The following ACSL3 variants were observed in gnomAD, a reference collection of about 807,000 sequenced individuals.
ACSL3 encodes acyl-CoA synthetase long chain family member 3.
ACSL3 carries 34 observed loss-of-function variants against 84.7 expected under a neutral mutation model. The observed-to-expected ratio is 0.40, with a 90% CI of 0.31 to 0.53. ACSL3 has a LOEUF of 0.53. Ranked by LOEUF, ACSL3 falls within the 20% of genes least tolerant of loss-of-function variation. The pLI is 0.48. For missense variants in ACSL3, 680 were observed against 873.1 expected (o/e 0.78, Z 2.79); for synonymous variants, 315 against 299.4 (o/e 1.05, Z -0.54).
intron 1 of ACSL3, among the ~76,000 whole-genome samples, chr2:222,864,524 G>C (rs1169046922): frequency 6.6e-6 from 1 of 151,906 alleles, no homozygotes; most frequent in Non-Finnish European, 1.5e-5. Flanking sequence ...CAGTACTGTG[G>C]AATGCTCCTA....
intron 3 of ACSL3, among the ~76,000 whole-genome samples, chr2:222,901,596 TA>T (rs1428131046): frequency 6.6e-6 from 1 of 152,222 alleles, no homozygotes; most frequent in African/African-American, 2.4e-5. Context: ...AGCCAGCTTT[TA>T]TACAGCTGAG....
At chr2:222,931,412 TAA>T (rs375709943) in intron 14 of ACSL3, among the ~76,000 whole-genome samples, 10 of 140,544 alleles carry the variant, frequency 7.1e-5, no homozygotes, top group Non-Finnish European at 9.3e-5. Flanking sequence ...AGACTCTGTC[TAA>T]AAAAAAAAAA....
intron 3 of ACSL3, among the ~76,000 whole-genome samples, chr2:222,903,652 ATC>A (rs1696214597): frequency 6.6e-6 from 1 of 152,236 alleles, no homozygotes; most frequent in African/African-American, 2.4e-5. Context: ...TTTTTTCTGT[ATC>A]CCAATGGAAT....
chr2:222,930,160 C>A (rs1696987515), intron 13 of ACSL3, among the ~76,000 whole-genome samples: 1 of 151,986 alleles, frequency 6.6e-6, no homozygotes, highest in African/African-American at 2.4e-5. Flanking sequence ...AAACTCCTGA[C>A]CTCAGGCGAT....
intron 1 of ACSL3, among the ~76,000 whole-genome samples, chr2:222,866,440 T>C (rs4477904): frequency 0.59 from 89,750 of 152,072 alleles, 27,102 homozygotes; most frequent in Admixed American, 0.64. Context: ...GCTACTGCGC[T>C]GACTGCAAAA....
At chr2:222,936,378 C>T (rs745920744) in intron 16 of ACSL3, among the ~76,000 whole-genome samples, 10 of 152,246 alleles carry the variant, frequency 6.6e-5, no homozygotes, top group Non-Finnish European at 1.2e-4. Context: ...TTCCCACCAA[C>T]GGTATTAAGG....
At chr2:222,904,279 A>C (rs1306179081) in intron 3 of ACSL3, among the ~76,000 whole-genome samples, 1 of 45,128 alleles carries the variant, frequency 2.2e-5, no homozygotes, top group Admixed American at 2.4e-4. Context: ...CTCAAAAAAC[A>C]AAACAAAACA....
intron 1 of ACSL3, among the ~76,000 whole-genome samples, chr2:222,880,444 A>T (rs188374266): frequency 1.8e-4 from 28 of 152,266 alleles, no homozygotes; most frequent in Non-Finnish European, 3.5e-4. Flanking sequence ...TATGAATGTT[A>T]TATTACATGA....
intron 13 of ACSL3, among the ~76,000 whole-genome samples, chr2:222,929,925 T>G (rs1030769489): frequency 8.5e-4 from 3 of 3,536 alleles, no homozygotes; most frequent in Admixed American, 4.0e-3. Context: ...GTAACTCACT[T>G]TTTTTTTTTT....
Position 222,940,258 on chromosome 2 carries a change from ATT to A in ACSL3, c.2006-1237_2006-1236del, listed in dbSNP as rs1366220737. Among the ~76,000 whole-genome samples, 3 of 152,326 alleles carry A rather than the reference ATT, an allele frequency of 2.0e-5. No homozygotes were observed. In the East Asian group the frequency reaches 5.8e-4, roughly 29 times the overall value. ...GGGAATATCCTGGTTCAATGACATA[ATT>A]TGTCTTAAACTTTATTATTTTTTAA... On this transcript the variant is annotated intron_variant, in intron 16 of 16. Transcript: ENST00000357430.
Position 222,935,785 on chromosome 2 carries a change from CAT to C in ACSL3, c.2005+1100_2005+1101del, listed in dbSNP as rs1243020375. 1.1e-4 allele frequency among the ~76,000 whole-genome samples: 16 copies of C among 152,280 alleles called. No individual in the cohort carries two copies. The South Asian group carries it at 1.5e-3, about 14-fold the overall frequency. ...CTTTCTTTTATTGTAGTAAAAATCT[CAT>C]AACGTTCAATTTACTATCTTAACAT... On this transcript the variant is annotated intron_variant, in intron 16 of 16. Transcript: ENST00000357430.
chr2:222,931,370 C>T (rs117103539), intron 14 of ACSL3, among the ~76,000 whole-genome samples: 23 of 150,148 alleles, frequency 1.5e-4, no homozygotes, highest in African/African-American at 3.9e-4. Context: ...GCGGAGATCG[C>T]GACACTGCAC....
intron 7 of ACSL3, 82 bp downstream of exon 7, chr2:222,919,284 G>T: frequency 6.6e-7 from 1 of 1,525,148 alleles, no homozygotes; most frequent in Non-Finnish European, 8.9e-7. Context: ...TTGATTCTGA[G>T]GTTAGCTCAA....
In ACSL3 at chr2:222,919,173, T is replaced by C; in HGVS notation, c.776T>C (p.Val259Ala). Residue 259 changes from valine (V) to alanine (A), a missense_variant, in exon 7 of 17, where the codon GTG (valine) becomes GCG (alanine). Val to Ala is a moderately conservative substitution (Grantham distance 64, BLOSUM62 0). Transcript: ENST00000357430. Reference protein sequence around the residue: ...KGIIVHTMAAVEALGAKASME... With the variant: ...KGIIVHTMAAAEALGAKASME... ...ATCATTGTGCATACCATGGCTGCAG[T>C]GGAGGCCCTGGGAGCCAAGGCCAGC... The C allele has an allele frequency of 6.2e-7, 1 of 1,614,100 alleles. No individual in the cohort carries two copies. Among genetic ancestry groups the C allele is most frequent in the Non-Finnish European group, 8.5e-7 (1 of 1,179,978 alleles).
At chr2:222,928,741 T>C in intron 12 of ACSL3, 121 bp from the exon 13 acceptor site, 1 of 868,610 alleles carries the variant, frequency 1.2e-6, no homozygotes, top group Non-Finnish European at 1.8e-6. Flanking sequence ...GACTTCTGCT[T>C]TTAAGGAATA....
intron 1 of ACSL3, among the ~76,000 whole-genome samples, chr2:222,863,124 A>G (rs967034219): frequency 1.3e-5 from 2 of 152,160 alleles, no homozygotes; most frequent in Non-Finnish European, 2.9e-5. Context: ...GGTGCTGGGA[A>G]TACAGCTGTG....
rs1254997918 is a variant in ACSL3 at position 222,944,292 on chromosome 2, A to G, written c.*2638A>G. 6.6e-6 allele frequency: 1 copy of G among 152,156 alleles called. No individual in the cohort carries two copies. The highest frequency in any genetic ancestry group is 2.1e-4 in the South Asian group (1 of 4,838). 9.4% of individuals were successfully genotyped at this position (152,156 alleles called of 1,614,324 possible). The stretch of plus-strand genomic sequence containing the variant: ...CTGCTAAAATACTCAAGATTTTGCC[A>G]TTTTTAAACAACCAGTCCCTGTGAT... On this transcript the variant is annotated 3_prime_UTR_variant, in exon 17 of 17. Coordinates refer to ENST00000357430, the MANE Select transcript of ACSL3 (RefSeq NM_004457.5).
rs1276330324 is a variant in ACSL3, at chr2:222,930,694, G to C, written c.1614G>C (p.Gly538=). 1 of 1,614,080 alleles carries C rather than the reference G, an allele frequency of 6.2e-7. No homozygotes were observed. Among genetic ancestry groups the C allele is most frequent in the Admixed American group, 1.7e-5 (1 of 60,022 alleles). Reference sequence around the variant, plus strand: ...TTGGGGGCCAAAGTGTGACAATGGGGTACTACAAAAATGAAGCAAAAACAA... The same window carrying C: ...TTGGGGGCCAAAGTGTGACAATGGGCTACTACAAAAATGAAGCAAAAACAA... The part of the protein sequence containing the change: ...ILIGGQSVTM[G]YYKNEAKTKA... Residue 538 remains glycine, a synonymous_variant, in exon 14 of 17, where the codon GGG becomes GGC. Transcript: ENST00000357430.
intron 3 of ACSL3, among the ~76,000 whole-genome samples, chr2:222,901,548 T>C (rs531332834): frequency 6.6e-5 from 10 of 152,320 alleles, no homozygotes; most frequent in South Asian, 2.1e-4. Flanking sequence ...TTAATATCCA[T>C]GTGAATTTTA....
Sources: allele counts gnomAD v4.1 joint callset (sites outside exome capture counted in the v4.1 genomes callset), GRCh38; gene constraint gnomAD v4.1.1; transcripts MANE v1.5; gene names NCBI Gene and HGNC (gene_info 2026-07-23, HGNC 2026-07-21).